The following USP32 variants were observed in gnomAD, a reference collection of about 807,000 sequenced individuals.
USP32 encodes the protein ubiquitin carboxyl-terminal hydrolase 32.
In USP32, 59 loss-of-function variants were observed where a neutral mutation model predicts 204.8. The ratio of observed to expected loss-of-function variants is 0.29; its 90% CI spans 0.23 to 0.36. The LOEUF is 0.36. Ranked by LOEUF, USP32 falls within the 10% of genes least tolerant of loss-of-function variation. The pLI, the probability that USP32 is intolerant of heterozygous loss-of-function variation, is 1.00. For synonymous variants in USP32, 517 were observed against 678.4 expected, an observed-to-expected ratio of 0.76 and a Z score of 3.70; for missense variants, 1,160 against 1,946.4, an observed-to-expected ratio of 0.60 and a Z score of 7.60.
chr17:60,222,610 C>T lies in USP32; in HGVS notation c.1609-61G>A, dbSNP rs7224812. 4.1e-3 allele frequency: 6,291 copies of T among 1,532,928 alleles called. 235 individuals carry two copies. In the African/African-American group the frequency reaches 0.076, roughly 18 times the overall value. 95.0% of individuals were successfully genotyped at this position (1,532,928 alleles called of 1,614,324 possible). ...TATTACAAAAGTTTTTGGGTCTCAG[C>T]AATACCTAGAAACAGGAAAACAAAC... is the stretch of plus-strand genomic sequence containing the variant. On this transcript the variant is annotated intron_variant, in intron 14 of 33. Transcript: ENST00000300896.
In USP32 at chr17:60,236,228, T is replaced by G; in HGVS notation, c.1149A>C (p.Glu383Asp). Reference sequence around the variant, plus strand: ...CTTGCAGACCATACCTGCTCTCTCGTTCTAACCATCCTCTGTATGTACAAA... The same window carrying G: ...CTTGCAGACCATACCTGCTCTCTCGGTCTAACCATCCTCTGTATGTACAAA... ...EEGQIIRGWL[E>D]RESRYGLQAG... is the part of the protein sequence containing the mutation. Residue 383 changes from glutamate (E) to aspartate (D), a missense_variant, in exon 12 of 34, where the codon GAA becomes GAC. Coordinates refer to ENST00000300896, the MANE Select transcript of USP32 (RefSeq NM_032582.4). 2 of 1,613,830 alleles carry G rather than the reference T, an allele frequency of 1.2e-6. No homozygotes were observed. The highest frequency in any genetic ancestry group is 1.7e-6 in the Non-Finnish European group (2 of 1,179,808).
intron 26 of USP32, among the ~76,000 whole-genome samples, chr17:60,204,159 C>T (rs539037646): frequency 2.6e-4 from 39 of 152,216 alleles, no homozygotes; most frequent in Admixed American, 6.5e-4. Flanking sequence ...TCCTCAAGAA[C>T]ATTCTTGTAT....
chr17:60,358,523 G>A (rs902395277), intron 1 of USP32, among the ~76,000 whole-genome samples: 3 of 152,070 alleles, frequency 2.0e-5, no homozygotes, highest in Non-Finnish European at 2.9e-5. Context: ...GCAGTGAGCC[G>A]AGATCATGCC....
chr17:60,327,582 C>T (rs2088275358), intron 2 of USP32, among the ~76,000 whole-genome samples: 1 of 138,610 alleles, frequency 7.2e-6, no homozygotes, highest in East Asian at 2.4e-4. Context: ...CAGAGAGGGG[C>T]CCAGCGAGGA....
upstream of USP32, among the ~76,000 whole-genome samples, chr17:60,393,269 G>A (rs1676056496): frequency 1.3e-5 from 2 of 152,136 alleles, no homozygotes; most frequent in Non-Finnish European, 1.5e-5. Flanking sequence ...GGTTCATGGT[G>A]TGGCAGCATG....
At chr17:60,245,376 G>T in intron 11 of USP32, 1 of 405,598 alleles carries the variant, frequency 2.5e-6, no homozygotes, top group South Asian at 2.0e-5. Flanking sequence ...TGCAGTTCTT[G>T]GAGGAAACAC....
chr17:60,317,043 G>A (rs1175283853), intron 2 of USP32, among the ~76,000 whole-genome samples: 2 of 152,150 alleles, frequency 1.3e-5, no homozygotes, highest in Non-Finnish European at 2.9e-5. Flanking sequence ...GGAGGAAGAA[G>A]AATGGGAAAT....
intron 1 of USP32, among the ~76,000 whole-genome samples, chr17:60,350,795 G>A (rs964566434): frequency 1.3e-5 from 2 of 152,018 alleles, no homozygotes; most frequent in African/African-American, 4.8e-5. Context: ...TAGGTATAAT[G>A]TACCCTACTC....
intron 1 of USP32, among the ~76,000 whole-genome samples, chr17:60,419,589 C>T (rs867524577): frequency 6.6e-6 from 1 of 151,478 alleles, no homozygotes; most frequent in South Asian, 2.1e-4. Context: ...AAAAATTAGC[C>T]GGGCGTGGTG....
At chr17:60,184,829 A>AC (rs1491365378) in intron 30 of USP32, among the ~76,000 whole-genome samples, 9 of 150,410 alleles carry the variant, frequency 6.0e-5, no homozygotes, top group Non-Finnish European at 1.0e-4. Flanking sequence ...AAAAAAAAAA[A>AC]CATATAAATA....
chr17:60,281,337 G>A (rs1201627991), intron 5 of USP32, among the ~76,000 whole-genome samples: 2 of 152,208 alleles, frequency 1.3e-5, no homozygotes, highest in Non-Finnish European at 2.9e-5. Context: ...AGGAGTTCAA[G>A]AGCAGCCTGG....
intron 3 of USP32, among the ~76,000 whole-genome samples, chr17:60,296,441 A>C (rs1463986457): frequency 6.6e-6 from 1 of 152,246 alleles, no homozygotes; most frequent in Non-Finnish European, 1.5e-5. Flanking sequence ...ATATAGCTGC[A>C]GGCCAAGGAA....
chr17:60,217,123 T>C (rs1358289598), intron 16 of USP32, among the ~76,000 whole-genome samples: 1 of 152,216 alleles, frequency 6.6e-6, no homozygotes, highest in Non-Finnish European at 1.5e-5. Flanking sequence ...AAAGTTTTTA[T>C]AGCATAGCTC....
chr17:60,257,258 T>C (rs945310637), intron 9 of USP32, among the ~76,000 whole-genome samples: 1 of 152,192 alleles, frequency 6.6e-6, no homozygotes. Context: ...GGCAGATGAC[T>C]GGTAGAAGGA....
At chr17:60,337,056 TG>T (rs1001475505) in intron 2 of USP32, among the ~76,000 whole-genome samples, 1 of 152,224 alleles carries the variant, frequency 6.6e-6, no homozygotes, top group Admixed American at 6.5e-5. Flanking sequence ...CCCTTAATGC[TG>T]GTAAGTCCAA....
chr17:60,189,766 C>T (rs1041853812), intron 29 of USP32, among the ~76,000 whole-genome samples: 4 of 152,148 alleles, frequency 2.6e-5, no homozygotes, highest in African/African-American at 9.7e-5. Context: ...GATCACTCTG[C>T]CTATTAAAGG....
At chr17:60,418,678 A>G (rs557086358) in intron 1 of USP32, among the ~76,000 whole-genome samples, 2 of 152,138 alleles carry the variant, frequency 1.3e-5, no homozygotes, top group Non-Finnish European at 1.5e-5. Context: ...ATAAAAACAA[A>G]CAACCCCATT....
At chr17:60,299,253 C>A (rs919803397) in intron 3 of USP32, among the ~76,000 whole-genome samples, 1 of 152,200 alleles carries the variant, frequency 6.6e-6, no homozygotes, top group Non-Finnish European at 1.5e-5. Context: ...TAAAAATGAT[C>A]TCTTTGTCCA....
intron 18 of USP32, among the ~76,000 whole-genome samples, chr17:60,212,389 T>C (rs2084994418): frequency 6.6e-6 from 1 of 152,244 alleles, no homozygotes; most frequent in South Asian, 2.1e-4. Context: ...CATTGAATAC[T>C]GTAGGCAAGT....
Sources: allele counts gnomAD v4.1 joint callset (sites outside exome capture counted in the v4.1 genomes callset), GRCh38; gene constraint gnomAD v4.1.1; transcripts MANE v1.5; gene names NCBI Gene and HGNC (gene_info 2026-07-23, HGNC 2026-07-21).